HDAC9: variants seen among roughly 807,000 people sequenced by gnomAD.
HDAC9 encodes the protein MEF-2 interacting transcription repressor (MITR) protein.
HDAC9 carries 41 observed loss-of-function variants against 139.4 expected under a neutral mutation model. The observed-to-expected ratio is 0.29, with a 90% CI of 0.23 to 0.38. The LOEUF is 0.38. Among genes scored for constraint, HDAC9 ranks in the 10% least tolerant of loss-of-function variants. HDAC9 has a pLI of 1.00. For synonymous variants in HDAC9, 517 were observed against 476.2 expected, an observed-to-expected ratio of 1.09 and a Z score of -1.12; for missense variants, 1,147 against 1,297.0, an observed-to-expected ratio of 0.88 and a Z score of 1.78.
intron 2 of HDAC9, among the ~76,000 whole-genome samples, chr7:18,280,449 A>G (rs907751397): frequency 1.3e-5 from 2 of 152,154 alleles, no homozygotes; most frequent in South Asian, 4.1e-4. Flanking sequence ...TTAGCTGGGC[A>G]TGATGGTGTG....
rs545128836 is a variant in HDAC9 at position 18,638,219 on chromosome 7, C to T, written c.912+3477C>T. Among the ~76,000 whole-genome samples, 3 of 152,106 alleles carry T rather than the reference C, an allele frequency of 2.0e-5. No individual in the cohort carries two copies. In the South Asian group the frequency reaches 6.2e-4, roughly 32 times the overall value. On this transcript the variant is annotated intron_variant, in intron 8 of 25. Coordinates refer to ENST00000686413, the MANE Select transcript of HDAC9 (RefSeq NM_178425.4). ...GGCCTGTAAGTAGAAAAGCATGTCA[C>T]CTAATTCAGAGCCCATGTAAATGAA...
At position 18,248,052 on chromosome 7, in the gene HDAC9, G is replaced by A. The variant is rs141244135; in HGVS notation, c.25+85703G>A. Among the ~76,000 whole-genome samples, 583 of 152,176 alleles carry A rather than the reference G, an allele frequency of 3.8e-3. 3 individuals carry two copies. The highest frequency in any genetic ancestry group is 0.013 in the African/African-American group (556 of 41,528). ...TGGAAAAACAGGAAATTATATGCAA[G>A]ACTCATTTTAAGGCCTTTACAGTGT... On this transcript the variant is annotated intron_variant, in intron 2 of 12. Coordinates refer to the HDAC9 transcript ENST00000417496.
At chr7:18,609,941 C>T (rs946087955) in intron 6 of HDAC9, among the ~76,000 whole-genome samples, 1 of 152,100 alleles carries the variant, frequency 6.6e-6, no homozygotes, top group African/African-American at 2.4e-5. Flanking sequence ...ATCCATGTCC[C>T]TACAAAGGAC....
chr7:18,411,297 C>T (rs1282761995), intron 1 of HDAC9, among the ~76,000 whole-genome samples: 1 of 152,176 alleles, frequency 6.6e-6, no homozygotes, highest in Non-Finnish European at 1.5e-5. Context: ...ACACCTTCAG[C>T]AGAAATCAAA....
At chr7:18,770,107 A>T (rs1430610694) in intron 16 of HDAC9, among the ~76,000 whole-genome samples, 2 of 152,124 alleles carry the variant, frequency 1.3e-5, no homozygotes, top group Non-Finnish European at 2.9e-5. Flanking sequence ...ATTTCCCCTA[A>T]AATTGCACAT....
intron 17 of HDAC9, among the ~76,000 whole-genome samples, chr7:18,821,031 G>T (rs1160064969): frequency 6.6e-6 from 1 of 152,216 alleles, no homozygotes; most frequent in Admixed American, 6.5e-5. Context: ...AGATTTGATT[G>T]TCTTGTGAGG....
chr7:18,912,703 T>G (rs1188280232), intron 22 of HDAC9, among the ~76,000 whole-genome samples: 3 of 152,204 alleles, frequency 2.0e-5, no homozygotes, highest in Middle Eastern at 3.4e-3. Flanking sequence ...GTATGGACAT[T>G]AAGAAATATT....
intron 21 of HDAC9, among the ~76,000 whole-genome samples, chr7:18,872,784 G>T (rs1263227400): frequency 6.6e-6 from 1 of 152,038 alleles, no homozygotes; most frequent in African/African-American, 2.4e-5. Context: ...GATAGTATGT[G>T]AATTGTGCCT....
At chr7:18,333,535 T>G (rs1781362766) in intron 1 of HDAC9, among the ~76,000 whole-genome samples, 1 of 151,472 alleles carries the variant, frequency 6.6e-6, no homozygotes, top group Non-Finnish European at 1.5e-5. Flanking sequence ...CACCATGAAA[T>G]GTGTTTTTAA....
chr7:18,866,604 C>T (rs1423518745), intron 21 of HDAC9, among the ~76,000 whole-genome samples: 2 of 152,146 alleles, frequency 1.3e-5, no homozygotes, highest in African/African-American at 4.8e-5. Context: ...CCAGCACCAT[C>T]CCAGTGCTTC....
chr7:18,101,078 G>T (rs1240506425), intron 1 of HDAC9, among the ~76,000 whole-genome samples: 1 of 152,040 alleles, frequency 6.6e-6, no homozygotes, highest in Non-Finnish European at 1.5e-5. Context: ...TCCTAACTTT[G>T]GGTTGTTTTC....
intron 2 of HDAC9, among the ~76,000 whole-genome samples, chr7:18,516,783 C>T (rs1451824666): frequency 6.6e-6 from 1 of 150,826 alleles, no homozygotes; most frequent in East Asian, 1.9e-4. Flanking sequence ...ATCACTTGAA[C>T]CCAGGAGGCA....
At chr7:18,190,961 A>G (rs1353015542) in intron 2 of HDAC9, among the ~76,000 whole-genome samples, 1 of 152,208 alleles carries the variant, frequency 6.6e-6, no homozygotes, top group Non-Finnish European at 1.5e-5. Context: ...ATCACCAATA[A>G]ATACTTGAAT....
At chr7:18,426,873 A>G (rs965767997) in intron 1 of HDAC9, among the ~76,000 whole-genome samples, 1 of 152,214 alleles carries the variant, frequency 6.6e-6, no homozygotes, top group African/African-American at 2.4e-5. Context: ...ATTTCTGGAG[A>G]CATTTCACAT....
chr7:18,196,307 G>C (rs751428257), intron 2 of HDAC9, among the ~76,000 whole-genome samples: 6 of 152,126 alleles, frequency 3.9e-5, no homozygotes, highest in Non-Finnish European at 8.8e-5. Context: ...CAGTGATTTT[G>C]TTTAGTTTAT....
At chr7:18,234,497 G>C (rs1300525397) in intron 2 of HDAC9, among the ~76,000 whole-genome samples, 1 of 152,094 alleles carries the variant, frequency 6.6e-6, no homozygotes, top group Non-Finnish European at 1.5e-5. Context: ...ATAAAAAGCA[G>C]CTAACCTTTA....
At chr7:18,470,440 C>A (rs1794636020) in intron 1 of HDAC9, among the ~76,000 whole-genome samples, 1 of 152,076 alleles carries the variant, frequency 6.6e-6, no homozygotes, top group Non-Finnish European at 1.5e-5. Flanking sequence ...GTGGAGTTTT[C>A]TTTTTGATGG....
chr7:18,223,366 A>C (rs1792833317), intron 2 of HDAC9, among the ~76,000 whole-genome samples: 1 of 150,428 alleles, frequency 6.6e-6, no homozygotes. Flanking sequence ...TTTTGTTTGC[A>C]TGCTAAGAGT....
At chr7:18,365,189 A>G (rs7794322) in intron 1 of HDAC9, among the ~76,000 whole-genome samples, 5,404 of 152,114 alleles carry the variant, frequency 0.036, 335 homozygotes, top group African/African-American at 0.12. Flanking sequence ...TAGGGCAGGA[A>G]TGTTATTGGT....
Sources: allele counts gnomAD v4.1 joint callset (sites outside exome capture counted in the v4.1 genomes callset), GRCh38; gene constraint gnomAD v4.1.1; transcripts MANE v1.5; gene names NCBI Gene and HGNC (gene_info 2026-07-23, HGNC 2026-07-21).